The following SEMA5A variants were observed in gnomAD, a reference collection of about 807,000 sequenced individuals.
SEMA5A encodes semaphorin-5A.
Under a neutral mutation model 135.5 loss-of-function variants are expected in SEMA5A, and 55 were observed. The ratio of observed to expected loss-of-function variants is 0.41; its 90% confidence interval spans 0.33 to 0.51. The LOEUF is 0.51. SEMA5A is among the 20% of genes least tolerant of loss of function. The probability of loss-of-function intolerance (pLI) is 0.37; values close to 1 mark genes in which losing one functional copy is unlikely to be tolerated. For synonymous variants in SEMA5A, 580 were observed against 546.5 expected, an observed-to-expected ratio of 1.06 and a Z score of -0.85; for missense variants, 1,290 against 1,419.9, an observed-to-expected ratio of 0.91 and a Z score of 1.47.
chr5:9,468,274 G>A (rs1013847692), intron 1 of SEMA5A, among the ~76,000 whole-genome samples: 4 of 152,156 alleles, frequency 2.6e-5, no homozygotes, highest in Non-Finnish European at 5.9e-5. Context: ...AGAAATGTCT[G>A]ACTTGAGATG....
intron 11 of SEMA5A, among the ~76,000 whole-genome samples, chr5:9,183,421 C>A (rs1277960723): frequency 2.0e-5 from 3 of 152,148 alleles, no homozygotes; most frequent in Non-Finnish European, 2.9e-5. Context: ...AAGCCATATC[C>A]CACTCCCAGA....
intron 5 of SEMA5A, among the ~76,000 whole-genome samples, chr5:9,296,965 T>C (rs1751367210): frequency 6.6e-6 from 1 of 150,458 alleles, no homozygotes; most frequent in Middle Eastern, 3.2e-3. Context: ...GATTACTGAG[T>C]TACTATGGGC....
At chr5:9,254,916 T>A (rs925847927) in intron 5 of SEMA5A, among the ~76,000 whole-genome samples, 1 of 152,184 alleles carries the variant, frequency 6.6e-6, no homozygotes, top group African/African-American at 2.4e-5. Context: ...CTGAATTCAA[T>A]AAGCTTGAAT....
At chr5:9,154,396 T>C (rs1742834927) in intron 12 of SEMA5A, 92 bp downstream of exon 12, 11 of 1,198,428 alleles carry the variant, frequency 9.2e-6, no homozygotes, top group South Asian at 2.7e-5. Flanking sequence ...TCTGAGGCCA[T>C]TCAACTTCAG....
intron 2 of SEMA5A, among the ~76,000 whole-genome samples, chr5:9,427,598 C>A (rs1019523709): frequency 2.0e-5 from 3 of 152,168 alleles, no homozygotes; most frequent in Non-Finnish European, 1.5e-5. Context: ...ATGAATACAT[C>A]ACAACTGCTG....
intron 13 of SEMA5A, among the ~76,000 whole-genome samples, chr5:9,134,389 C>T (rs1741614753): frequency 6.6e-6 from 1 of 152,232 alleles, no homozygotes; most frequent in Non-Finnish European, 1.5e-5. Context: ...CTCAAGCAAT[C>T]CTCCTGTCTC....
At chr5:9,310,888 G>A (rs913388443) in intron 5 of SEMA5A, among the ~76,000 whole-genome samples, 1 of 149,070 alleles carries the variant, frequency 6.7e-6, no homozygotes, top group African/African-American at 2.5e-5. Flanking sequence ...ATATATACAT[G>A]AACACACATA....
intron 16 of SEMA5A, among the ~76,000 whole-genome samples, chr5:9,093,817 T>C (rs1739172884): frequency 6.6e-6 from 1 of 152,242 alleles, no homozygotes; most frequent in African/African-American, 2.4e-5. Flanking sequence ...CGCATCCCTG[T>C]ACACATCCTG....
chr5:9,191,475 C>A (rs1158740346), intron 10 of SEMA5A, among the ~76,000 whole-genome samples: 1 of 152,172 alleles, frequency 6.6e-6, no homozygotes, highest in African/African-American at 2.4e-5. Context: ...GGTGACTGAT[C>A]CCCAGTAGAA....
chr5:9,148,028 G>C lies in SEMA5A; in HGVS notation c.1481+6460C>G, dbSNP rs757749459. 5.5e-4 allele frequency among the ~76,000 whole-genome samples: 83 copies of C among 152,180 alleles called. 1 individual carries two copies. The highest frequency in any genetic ancestry group is 2.4e-4 in the Non-Finnish European group (16 of 68,042). The stretch of plus-strand genomic sequence containing the variant: ...TGTTCCCACAGCTTGAATGAAGCCT[G>C]TGCTGGCATGCAGGAATTTACAGTC... On this transcript the variant is annotated intron_variant, in intron 12 of 22. Transcript: ENST00000382496.
At chr5:9,060,254 T>A (rs1419403137) in intron 18 of SEMA5A, among the ~76,000 whole-genome samples, 1 of 152,198 alleles carries the variant, frequency 6.6e-6, no homozygotes, top group Non-Finnish European at 1.5e-5. Flanking sequence ...TATGTATACA[T>A]GGTATTGGCT....
intron 1 of SEMA5A, among the ~76,000 whole-genome samples, chr5:9,527,366 C>T (rs759945153): frequency 2.6e-5 from 4 of 152,150 alleles, no homozygotes; most frequent in African/African-American, 7.2e-5. Flanking sequence ...GCAGAAGATG[C>T]CCAGCATACT....
chr5:9,202,811 G>C (rs889435198), intron 8 of SEMA5A, among the ~76,000 whole-genome samples: 1 of 152,158 alleles, frequency 6.6e-6, no homozygotes. Flanking sequence ...TCTGGAATTA[G>C]CTGTAGCAAT....
chr5:9,166,900 T>C (rs1220009985), intron 11 of SEMA5A, among the ~76,000 whole-genome samples: 1 of 152,146 alleles, frequency 6.6e-6, no homozygotes, highest in East Asian at 1.9e-4. Context: ...TGTATCTAAA[T>C]TACAAAACAA....
chr5:9,109,335 C>T (rs940736236), intron 15 of SEMA5A, among the ~76,000 whole-genome samples: 1 of 152,176 alleles, frequency 6.6e-6, no homozygotes, highest in African/African-American at 2.4e-5. Context: ...CCACCGCGCC[C>T]AGCCTTCTCT....
chr5:9,204,729 C>T lies in SEMA5A; in HGVS notation c.647-2489G>A, dbSNP rs1258950554. ...AATCCATTAGACCGGGGGTCACCAA[C>T]CCCCAGGACATGGACCAGTACCAGT... is the stretch of plus-strand genomic sequence containing the variant. On this transcript the variant is annotated intron_variant, in intron 8 of 22. Transcript: ENST00000382496. The surrounding 1 kb of genome is among the most constrained non-coding windows in gnomAD (Gnocchi z 6.4). Among the ~76,000 whole-genome samples the T allele has an allele frequency of 6.6e-6, 1 of 152,104 alleles. No individual in the cohort carries two copies. Among genetic ancestry groups the T allele is most frequent in the Non-Finnish European group, 1.5e-5 (1 of 68,010 alleles).
chr5:9,288,306 G>A (rs1454649419), intron 5 of SEMA5A, among the ~76,000 whole-genome samples: 1 of 152,196 alleles, frequency 6.6e-6, no homozygotes, highest in East Asian at 1.9e-4. Flanking sequence ...GGGTCATAAA[G>A]GGAGAGCCAG....
chr5:9,278,042 T>C (rs4340889), intron 5 of SEMA5A, among the ~76,000 whole-genome samples: 151,717 of 151,968 alleles, frequency 1, 75,733 homozygotes, highest in Middle Eastern at 1. Flanking sequence ...TTTGGAGATG[T>C]GTTTATTTTA....
At chr5:9,494,255 A>G (rs1735185803) in intron 1 of SEMA5A, among the ~76,000 whole-genome samples, 1 of 152,204 alleles carries the variant, frequency 6.6e-6, no homozygotes, top group African/African-American at 2.4e-5. Context: ...GACACATCAA[A>G]GTTAATTATC....
Sources: gnomAD v4.1 joint callset for allele counts (sites outside exome capture counted in the v4.1 genomes callset) on GRCh38, gnomAD v4.1.1 for gene constraint, Gnocchi (gnomAD v3.1) non-coding constraint, MANE v1.5 for transcripts, NCBI Gene and HGNC (gene_info 2026-07-23, HGNC 2026-07-21) for gene names.